The following DYSF variants were observed in gnomAD, a reference collection of about 807,000 sequenced individuals.
The protein encoded by DYSF is dystrophy-associated fer-1-like 1.
A neutral mutation model predicts 274.9 loss-of-function variants in DYSF; 212 were observed. The ratio of observed to expected loss-of-function variants is 0.77; its 90% CI spans 0.69 to 0.86. The LOEUF (loss-of-function observed/expected upper bound fraction) is 0.86, where lower values mean the gene tolerates loss of function less well. Among genes scored for constraint, DYSF ranks in the 40% least tolerant of loss-of-function variants. DYSF has a pLI of 0.00. For missense variants in DYSF, 2,666 were observed against 2,783.2 expected, an observed-to-expected ratio of 0.96 and a Z score of 0.95; for synonymous variants, 1,091 against 1,078.7, an observed-to-expected ratio of 1.01 and a Z score of -0.22.
intron 14 of DYSF, among the ~76,000 whole-genome samples, chr2:71,529,865 G>A (rs552190213): frequency 8.1e-4 from 124 of 152,162 alleles, no homozygotes; most frequent in Non-Finnish European, 1.5e-3. Flanking sequence ...TTCTCCCTCC[G>A]CTTCGTTGAG....
At chr2:71,675,603 A>G (rs1230148476) in intron 52 of DYSF, among the ~76,000 whole-genome samples, 1 of 152,230 alleles carries the variant, frequency 6.6e-6, no homozygotes, top group African/African-American at 2.4e-5. Context: ...ACTTTGTTAT[A>G]AAAGCATCAG....
chr2:71,478,292 A>T (rs1056678750), intron 1 of DYSF, among the ~76,000 whole-genome samples: 1 of 151,518 alleles, frequency 6.6e-6, no homozygotes, highest in Non-Finnish European at 1.5e-5. Flanking sequence ...GCTCACTGCA[A>T]GCCCCGCCTC....
At chr2:71,564,251 T>C in intron 24 of DYSF, 38 bp downstream of exon 24, 1 of 1,613,858 alleles carries the variant, frequency 6.2e-7, no homozygotes, top group Non-Finnish European at 8.5e-7. Flanking sequence ...ATCGTATTTT[T>C]CCCAACATAA....
intron 41 of DYSF, among the ~76,000 whole-genome samples, chr2:71,626,873 A>G (rs1295244998): frequency 6.6e-6 from 1 of 151,486 alleles, no homozygotes; most frequent in Non-Finnish European, 1.5e-5. Context: ...GACCTTTGAG[A>G]TTTTCTGTTT....
At chr2:71,499,383 A>G (rs1434371226) in intron 3 of DYSF, among the ~76,000 whole-genome samples, 2 of 152,220 alleles carry the variant, frequency 1.3e-5, no homozygotes, top group Non-Finnish European at 2.9e-5. Flanking sequence ...GTCGTCTATG[A>G]TGGACACGTG....
At chr2:71,562,626 C>G (rs1410570989) in intron 23 of DYSF, among the ~76,000 whole-genome samples, 2 of 152,206 alleles carry the variant, frequency 1.3e-5, no homozygotes, top group African/African-American at 2.4e-5. Flanking sequence ...GCTGCCTGCT[C>G]TGACCAGAGC....
chr2:71,664,581 G>A, intron 46 of DYSF, 143 bp downstream of exon 46: 1 of 966,630 alleles, frequency 1.0e-6, no homozygotes, highest in Non-Finnish European at 1.6e-6. Context: ...AGTCCAATGG[G>A]AGTCCTATCC....
chr2:71,520,001 T>C (rs1363939417), intron 10 of DYSF, among the ~76,000 whole-genome samples, 177 bp from the exon 11 acceptor site: 1 of 152,152 alleles, frequency 6.6e-6, no homozygotes, highest in African/African-American at 2.4e-5. Context: ...GCATTCTTTA[T>C]CAAACTGGGA....
At chr2:71,579,487 A>G (rs1032853102) in intron 30 of DYSF, among the ~76,000 whole-genome samples, 1 of 152,190 alleles carries the variant, frequency 6.6e-6, no homozygotes, top group Non-Finnish European at 1.5e-5. Flanking sequence ...GTACGCACGC[A>G]TGTATGATCT....
intron 17 of DYSF, among the ~76,000 whole-genome samples, chr2:71,543,534 G>A (rs1373290068): frequency 6.6e-6 from 1 of 152,192 alleles, no homozygotes; most frequent in Admixed American, 6.5e-5. Context: ...GGTTGATAGC[G>A]AGCCGAGATC....
intron 4 of DYSF, among the ~76,000 whole-genome samples, chr2:71,510,504 A>G (rs1402452174): frequency 6.6e-6 from 1 of 152,088 alleles, no homozygotes; most frequent in Non-Finnish European, 1.5e-5. Flanking sequence ...GTCTCCTGGG[A>G]TGCTGAGCTA....
chr2:71,555,571 G>C (rs998377051), intron 21 of DYSF, among the ~76,000 whole-genome samples: 1 of 152,202 alleles, frequency 6.6e-6, no homozygotes, highest in Non-Finnish European at 1.5e-5. Context: ...TTGGGTGGTA[G>C]AATCTGGAAA....
chr2:71,569,055 T>C (rs907601489), intron 26 of DYSF, among the ~76,000 whole-genome samples: 1 of 151,978 alleles, frequency 6.6e-6, no homozygotes, highest in African/African-American at 2.4e-5. Flanking sequence ...TTTTGTATTT[T>C]AGTAGAGACG....
intron 8 of DYSF, 84 bp downstream of exon 8, chr2:71,515,835 A>T (rs2086598128): frequency 6.3e-7 from 1 of 1,590,872 alleles, no homozygotes; most frequent in East Asian, 2.3e-5. Flanking sequence ...CAATTCATTC[A>T]AGAGTGTTTA....
At chr2:71,504,463 C>T (rs774653375) in intron 4 of DYSF, among the ~76,000 whole-genome samples, 61 of 152,298 alleles carry the variant, frequency 4.0e-4, no homozygotes, top group Non-Finnish European at 6.5e-4. Flanking sequence ...GTCTCCATCA[C>T]CCTGAGTCCC....
intron 3 of DYSF, among the ~76,000 whole-genome samples, chr2:71,495,342 T>A (rs1431918207): frequency 6.6e-6 from 1 of 152,232 alleles, no homozygotes; most frequent in African/African-American, 2.4e-5. Context: ...CTGGTCAGAT[T>A]GCAGGGCTAG....
intron 10 of DYSF, among the ~76,000 whole-genome samples, 177 bp from the exon 11 acceptor site, chr2:71,520,001 T>A (rs1363939417): frequency 6.6e-6 from 1 of 152,152 alleles, no homozygotes; most frequent in African/African-American, 2.4e-5. Context: ...GCATTCTTTA[T>A]CAAACTGGGA....
At chr2:71,530,279 C>A (rs139166737) in intron 14 of DYSF, among the ~76,000 whole-genome samples, 5 of 152,304 alleles carry the variant, frequency 3.3e-5, no homozygotes, top group African/African-American at 1.2e-4. Context: ...GGGGAATTCA[C>A]GTCCTGAGAT....
chr2:71,623,264 C>T (rs1407433361), intron 41 of DYSF, among the ~76,000 whole-genome samples: 2 of 151,444 alleles, frequency 1.3e-5, no homozygotes, highest in Non-Finnish European at 2.9e-5. Flanking sequence ...CATGCTGGTG[C>T]GCTGCACCCA....
Sources: gnomAD v4.1 joint callset for allele counts (sites outside exome capture counted in the v4.1 genomes callset) on GRCh38, gnomAD v4.1.1 for gene constraint, MANE v1.5 for transcripts, NCBI Gene and HGNC (gene_info 2026-07-23, HGNC 2026-07-21) for gene names.